Variants in ARHGEF10L observed in about 807,000 individuals in gnomAD.
ARHGEF10L encodes rho guanine nucleotide exchange factor 10-like protein.
ARHGEF10L carries 69 observed loss-of-function variants against 141.2 expected under a neutral mutation model. That is an observed-to-expected ratio of 0.49 (90% CI 0.40 to 0.60). The LOEUF (loss-of-function observed/expected upper bound fraction) is 0.60, where lower values mean the gene tolerates loss of function less well. Ranked by LOEUF, ARHGEF10L falls within the 20% of genes least tolerant of loss-of-function variation. The pLI is 0.00. For synonymous variants in ARHGEF10L, 711 were observed against 718.5 expected, an observed-to-expected ratio of 0.99 and a Z score of 0.17; for missense variants, 1,482 against 1,734.3, an observed-to-expected ratio of 0.85 and a Z score of 2.58.
the ARHGEF10L span, among the ~76,000 whole-genome samples, chr1:17,516,047 TC>T: frequency 2.0e-5 from 3 of 152,220 alleles, no homozygotes; most frequent in Non-Finnish European, 2.9e-5. Context: ...GGTGAGGGGC[TC>T]CTTGGGGTAC....
intron 27 of ARHGEF10L, chr1:17,691,039 C>T (rs116330879): frequency 5.0e-4 from 212 of 425,074 alleles, no homozygotes; most frequent in African/African-American, 3.7e-3. Flanking sequence ...CACTTCCTTC[C>T]CCTGACCCCT....
At position 17,607,096 on chromosome 1, in the gene ARHGEF10L, ATC is replaced by A. The variant is rs2081252023; in HGVS notation, c.434-702_434-701del. 1.3e-5 allele frequency among the ~76,000 whole-genome samples: 2 copies of A among 152,112 alleles called. No homozygotes were observed. Among genetic ancestry groups the A allele is most frequent in the South Asian group, 4.1e-4 (2 of 4,830 alleles). The stretch of plus-strand genomic sequence containing the variant: ...GGTGAGGAGCCCTGAGGCCCCAACA[ATC>A]TCTGTTTCATTCCTGAGGATGCTGA... On this transcript the variant is annotated intron_variant, in intron 6 of 28. Transcript: ENST00000361221. The surrounding 1 kb of genome is among the most constrained non-coding windows in gnomAD (Gnocchi z 4.5).
chr1:17,671,158 G>A (rs941396030), intron 26 of ARHGEF10L, among the ~76,000 whole-genome samples: 3 of 152,246 alleles, frequency 2.0e-5, no homozygotes, highest in Admixed American at 6.5e-5. Flanking sequence ...TGAGTGTGCC[G>A]GCACCTTCCT....
intron 27 of ARHGEF10L, chr1:17,694,902 A>G (rs182376377): frequency 2.3e-5 from 15 of 653,466 alleles, no homozygotes; most frequent in South Asian, 1.2e-4. Flanking sequence ...TGTTCCCCCA[A>G]TGCATCCGTA....
intron 14 of ARHGEF10L, among the ~76,000 whole-genome samples, chr1:17,626,734 A>G (rs1383650301): frequency 3.3e-5 from 5 of 152,228 alleles, no homozygotes; most frequent in Non-Finnish European, 7.3e-5. Flanking sequence ...ATCATCCTGA[A>G]CCGAAACTCT....
At chr1:17,604,253 C>G (rs1437644873) in intron 6 of ARHGEF10L, among the ~76,000 whole-genome samples, 3 of 151,974 alleles carry the variant, frequency 2.0e-5, no homozygotes, top group Non-Finnish European at 2.9e-5. Context: ...TCATTCTGAC[C>G]CCCAGTTCAA....
the ARHGEF10L span, among the ~76,000 whole-genome samples, chr1:17,516,098 T>G: frequency 2.0e-5 from 3 of 152,230 alleles, no homozygotes; most frequent in Non-Finnish European, 4.4e-5. Flanking sequence ...GCACAGCTGC[T>G]GCTGGCAAGG....
chr1:17,662,600 G>A (rs2062699139), intron 25 of ARHGEF10L, among the ~76,000 whole-genome samples: 1 of 152,102 alleles, frequency 6.6e-6, no homozygotes, highest in South Asian at 2.1e-4. Context: ...AGGGCATAAG[G>A]GCAGAAGGGG....
At chr1:17,580,297 G>T (rs927349727) in intron 1 of ARHGEF10L, among the ~76,000 whole-genome samples, 1 of 152,254 alleles carries the variant, frequency 6.6e-6, no homozygotes, top group East Asian at 1.9e-4. Flanking sequence ...GCAGGTCCCT[G>T]CAGGTCCCTT....
chr1:17,531,560 A>T, the ARHGEF10L span, among the ~76,000 whole-genome samples: 1 of 152,222 alleles, frequency 6.6e-6, no homozygotes, highest in South Asian at 2.1e-4. Flanking sequence ...CTATTTATTC[A>T]TAAAGCAGGA....
intron 1 of ARHGEF10L, among the ~76,000 whole-genome samples, chr1:17,540,356 TG>T (rs2076676851): frequency 7.0e-6 from 1 of 142,798 alleles, no homozygotes; most frequent in Non-Finnish European, 1.5e-5. Flanking sequence ...AGTCAGGGAG[TG>T]CCCCTGTCGC....
chr1:17,603,683 C>T lies in ARHGEF10L; in HGVS notation c.433+92C>T. Reference sequence around the variant, plus strand: ...GTTGTCTCTTTCCGTTTCCTTCTGTCCCCACCTGGCCAAGTGCCCCTCCTT... The same window carrying T: ...GTTGTCTCTTTCCGTTTCCTTCTGTTCCCACCTGGCCAAGTGCCCCTCCTT... On this transcript the variant is annotated intron_variant, in intron 6 of 28. Coordinates refer to ENST00000361221, the MANE Select transcript of ARHGEF10L (RefSeq NM_018125.4). The surrounding 1 kb of genome is among the most constrained non-coding windows in gnomAD (Gnocchi z 4.8). The T allele has an allele frequency of 8.7e-7, 1 of 1,153,798 alleles. No homozygotes were observed. The highest frequency in any genetic ancestry group is 1.2e-6 in the Non-Finnish European group (1 of 833,974). 71.5% of individuals were successfully genotyped at this position (1,153,798 alleles called of 1,614,324 possible). A position where few individuals can be genotyped will look rare whatever the true frequency, so the allele number is the denominator to read the frequency against.
chr1:17,666,958 C>T (rs542357763), intron 26 of ARHGEF10L, among the ~76,000 whole-genome samples: 13 of 150,164 alleles, frequency 8.7e-5, no homozygotes, highest in Admixed American at 4.0e-4. Flanking sequence ...CAGGCCCTTT[C>T]GGGTCCTCTG....
At chr1:17,653,791 G>A (rs1345288478) in intron 22 of ARHGEF10L, among the ~76,000 whole-genome samples, 1 of 152,242 alleles carries the variant, frequency 6.6e-6, no homozygotes, top group Non-Finnish European at 1.5e-5. Flanking sequence ...GTGTGACATT[G>A]AGCCAGGCAC....
the ARHGEF10L span, among the ~76,000 whole-genome samples, chr1:17,526,450 T>A: frequency 6.6e-6 from 1 of 152,234 alleles, no homozygotes; most frequent in Non-Finnish European, 1.5e-5. Context: ...CTGTCCCTTC[T>A]GATGGTGTGA....
the ARHGEF10L span, among the ~76,000 whole-genome samples, chr1:17,529,558 G>T: frequency 6.6e-6 from 1 of 152,226 alleles, no homozygotes; most frequent in African/African-American, 2.4e-5. Flanking sequence ...CACCACAGCT[G>T]CCTATCTGGT....
Position 17,561,534 on chromosome 1 carries a change from A to G in ARHGEF10L, c.-43-19019A>G, listed in dbSNP as rs143162044. On this transcript the variant is annotated intron_variant, in intron 1 of 28. Transcript: ENST00000361221. ...CAGAGGGGGAGCCTCACAAACCCTG[A>G]CAGCAGAAGTGACTTGCCCAGCGTC... is the stretch of plus-strand genomic sequence containing the variant. Among the ~76,000 whole-genome samples, 122 of 152,306 alleles carry G rather than the reference A, an allele frequency of 8.0e-4. No homozygotes were observed. In the East Asian group the frequency reaches 9.7e-3, roughly 12 times the overall value.
intron 4 of ARHGEF10L, among the ~76,000 whole-genome samples, chr1:17,589,504 A>G (rs2100691500): frequency 6.6e-6 from 1 of 152,348 alleles, no homozygotes; most frequent in South Asian, 2.1e-4. Context: ...GCTAATTCTC[A>G]GGGTGGTGTC....
the ARHGEF10L span, among the ~76,000 whole-genome samples, chr1:17,524,500 A>G: frequency 6.6e-6 from 1 of 151,606 alleles, no homozygotes; most frequent in Non-Finnish European, 1.5e-5. Flanking sequence ...TGAGCCCAGG[A>G]GGTCGAGGCT....
Sources: gnomAD v4.1 joint callset for allele counts (sites outside exome capture counted in the v4.1 genomes callset) on GRCh38, gnomAD v4.1.1 for gene constraint, Gnocchi (gnomAD v3.1) non-coding constraint, MANE v1.5 for transcripts, NCBI Gene and HGNC (gene_info 2026-07-23, HGNC 2026-07-21) for gene names.